LGR6: variants seen among roughly 807,000 people sequenced by gnomAD.
LGR6 encodes the protein leucine-rich repeat-containing G protein-coupled receptor 6.
In LGR6, 45 loss-of-function variants were observed where a neutral mutation model predicts 69.4. The observed-to-expected ratio is 0.65, with a 90% CI of 0.51 to 0.83. The LOEUF (loss-of-function observed/expected upper bound fraction) is 0.83. LGR6 is among the 40% of genes least tolerant of loss of function. The pLI is 0.00. For synonymous variants in LGR6, 538 were observed against 555.0 expected (o/e 0.97, Z 0.43); for missense variants, 1,108 against 1,246.7 (o/e 0.89, Z 1.68).
chr1:202,296,395 C>A (rs1359669948), intron 6 of LGR6, among the ~76,000 whole-genome samples: 1 of 152,160 alleles, frequency 6.6e-6, no homozygotes. Context: ...CGATGATAGG[C>A]GATCTCATTA....
In LGR6 at chr1:202,310,273, T is replaced by C. The variant is rs1334757723; in HGVS notation, c.1483T>C (p.Trp495Arg). 1 of 1,613,940 alleles carries C rather than the reference T, an allele frequency of 6.2e-7. No individual in the cohort carries two copies. The highest frequency in any genetic ancestry group is 8.5e-7 in the Non-Finnish European group (1 of 1,179,958). Reference protein sequence around the residue: ...CASFFKASGQWEAEDLHLDDE... With the variant: ...CASFFKASGQREAEDLHLDDE... ...CAGCTTCTTCAAGGCCTCTGGGCAG[T>C]GGGAGGCTGAAGACCTTCACCTTGA... The change falls in exon 16 of 18, where the codon TGG becomes CGG. Residue 495 changes from tryptophan (W) to arginine (R), a missense_variant. By Grantham distance (101) the Trp-to-Arg change is moderately radical (BLOSUM62 -3). Coordinates refer to ENST00000367278, the MANE Select transcript of LGR6 (RefSeq NM_001017403.2).
chr1:202,200,796 G>A (rs1485045454), intron 1 of LGR6, among the ~76,000 whole-genome samples: 1 of 152,148 alleles, frequency 6.6e-6, no homozygotes, highest in African/African-American at 2.4e-5. Flanking sequence ...GGCCAAACTT[G>A]GGCAGTGAGC....
intron 4 of LGR6, chr1:202,236,305 T>G (rs1273267395): frequency 5.2e-6 from 2 of 383,646 alleles, no homozygotes; most frequent in Non-Finnish European, 9.5e-6. Context: ...GTTCTGCCAT[T>G]GGAGCCTGGG....
chr1:202,236,136 C>A (rs1003149796), intron 4 of LGR6, 143 bp downstream of exon 4: 9 of 663,124 alleles, frequency 1.4e-5, no homozygotes, highest in Non-Finnish European at 2.4e-5. Flanking sequence ...CCGCTCCTGG[C>A]TTTGGTTTCT....
At chr1:202,296,114 T>C (rs2148239402) in intron 6 of LGR6, among the ~76,000 whole-genome samples, 1 of 152,160 alleles carries the variant, frequency 6.6e-6, no homozygotes, top group South Asian at 2.1e-4. Context: ...CTCCATGTGG[T>C]CCCCCTGCCC....
intron 4 of LGR6, among the ~76,000 whole-genome samples, chr1:202,245,992 A>C: frequency 8.0e-6 from 1 of 125,270 alleles, no homozygotes; most frequent in Non-Finnish European, 1.7e-5. Context: ...CTATCCATTC[A>C]TCCATCCCCC....
At chr1:202,281,009 C>G in intron 6 of LGR6, 157 bp downstream of exon 6, 1 of 613,092 alleles carries the variant, frequency 1.6e-6, no homozygotes, top group Non-Finnish European at 2.9e-6. Context: ...CTGGCACTTT[C>G]TCTGGAATAT....
rs1660920009 is a variant in LGR6, at chr1:202,230,348, C to A, written c.356+2341C>A. Among the ~76,000 whole-genome samples the A allele has an allele frequency of 3.3e-5, 5 of 152,152 alleles. No homozygotes were observed. In the South Asian group the frequency reaches 1.0e-3, roughly 32 times the overall value. ...GTTCTCTAAGTCTTCAACCCACAGG[C>A]TCTGGCCAGGCTCAGATCAAGGGAG... On this transcript the variant is annotated intron_variant, in intron 3 of 17. Coordinates refer to ENST00000367278, the MANE Select transcript of LGR6 (RefSeq NM_001017403.2).
chr1:202,214,152 G>T, intron 1 of LGR6: 1 of 1,505,102 alleles, frequency 6.6e-7, no homozygotes, highest in East Asian at 2.8e-5. Context: ...CCCAGGGGCC[G>T]GAATGCGCTT....
chr1:202,281,128 C>G (rs1296485497), intron 6 of LGR6: 1 of 385,198 alleles, frequency 2.6e-6, no homozygotes, highest in African/African-American at 2.1e-5. Context: ...CAGAGACCAC[C>G]AAAATAATGA....
At chr1:202,304,513 C>T in intron 10 of LGR6, 46 bp from the exon 11 acceptor site, 1 of 1,448,882 alleles carries the variant, frequency 6.9e-7, no homozygotes, top group Admixed American at 1.7e-5. Flanking sequence ...CTGGGAATGG[C>T]AGGGCCCTGG....
At chr1:202,317,339 G>GTT (rs143394771) in intron 17 of LGR6, among the ~76,000 whole-genome samples, 1,890 of 128,144 alleles carry the variant, frequency 0.015, 25 homozygotes, top group Admixed American at 0.029. Flanking sequence ...GTGTTTTTTT[G>GTT]TTTTTTTTTT....
intron 4 of LGR6, among the ~76,000 whole-genome samples, chr1:202,241,179 G>A (rs1311147740): frequency 2.0e-5 from 3 of 152,212 alleles, no homozygotes; most frequent in Admixed American, 1.3e-4. Flanking sequence ...TTTCCTGTTG[G>A]AAATCAACGG....
rs1349214588 is a variant in LGR6, at chr1:202,302,704, G to A, written c.930-575G>A. 2.0e-5 allele frequency among the ~76,000 whole-genome samples: 3 copies of A among 152,014 alleles called. No homozygotes were observed. The East Asian group carries it at 5.8e-4, about 29-fold the overall frequency. ...TGAGATTACAGGCGCCCGCCACCACGCCCGACTGCTTTTTGTATTTTTAGT... is the reference window on the plus strand; with the variant it reads ...TGAGATTACAGGCGCCCGCCACCACACCCGACTGCTTTTTGTATTTTTAGT... On this transcript the variant is annotated intron_variant, in intron 9 of 17. Transcript: ENST00000367278.
At chr1:202,253,486 T>G (rs1206919711) in intron 4 of LGR6, among the ~76,000 whole-genome samples, 2 of 151,136 alleles carry the variant, frequency 1.3e-5, no homozygotes, top group Non-Finnish European at 2.9e-5. Flanking sequence ...GTATTTTTAG[T>G]AGAAGCGGGG....
chr1:202,248,462 C>T (rs1260188402), intron 4 of LGR6, among the ~76,000 whole-genome samples: 1 of 152,234 alleles, frequency 6.6e-6, no homozygotes, highest in African/African-American at 2.4e-5. Flanking sequence ...GGGGGACTCT[C>T]GCCAAAGTCG....
At chr1:202,208,525 G>C (rs1256498399) in intron 1 of LGR6, among the ~76,000 whole-genome samples, 1 of 151,994 alleles carries the variant, frequency 6.6e-6, no homozygotes, top group African/African-American at 2.4e-5. Flanking sequence ...GATCCCAGGG[G>C]CCGGGATAGG....
At position 202,246,628 on chromosome 1, in the gene LGR6, C is replaced by A. The variant is rs1662728719; in HGVS notation, c.428+10635C>A. Among the ~76,000 whole-genome samples the A allele has an allele frequency of 2.6e-5, 4 of 151,972 alleles. No individual in the cohort carries two copies. The South Asian group carries it at 8.4e-4, about 32-fold the overall frequency. On this transcript the variant is annotated intron_variant, in intron 4 of 17. Coordinates refer to ENST00000367278, the MANE Select transcript of LGR6 (RefSeq NM_001017403.2). ...AAGACCCCATCTTCATCCTTCCCTT[C>A]CCATACATTCTCCCATTCTGTGCAC...
chr1:202,196,540 C>A (rs1557999869), intron 1 of LGR6, among the ~76,000 whole-genome samples: 1 of 152,180 alleles, frequency 6.6e-6, no homozygotes, highest in Non-Finnish European at 1.5e-5. Context: ...TGGTTCCTTC[C>A]TAGCTCTGCC....
Sources: gnomAD v4.1 joint callset for allele counts (sites outside exome capture counted in the v4.1 genomes callset) on GRCh38, gnomAD v4.1.1 for gene constraint, MANE v1.5 for transcripts, NCBI Gene and HGNC (gene_info 2026-07-23, HGNC 2026-07-21) for gene names.